The following SNX13 variants were observed in gnomAD, a reference collection of about 807,000 sequenced individuals.
SNX13 encodes sorting nexin 13.
In SNX13, 45 loss-of-function variants were observed where a neutral mutation model predicts 133.6. The ratio of observed to expected loss-of-function variants is 0.34; its 90% CI spans 0.27 to 0.43. SNX13 has a LOEUF of 0.43. Ranked by LOEUF, SNX13 falls within the 20% of genes least tolerant of loss-of-function variation. The pLI is 1.00. For synonymous variants in SNX13, 414 were observed against 373.9 expected, an observed-to-expected ratio of 1.11 and a Z score of -1.24; for missense variants, 1,032 against 1,145.1, an observed-to-expected ratio of 0.90 and a Z score of 1.43.
chr7:17,850,902 A>G lies in SNX13; in HGVS notation c.900T>C (p.Ile300=), dbSNP rs777153217. 1.9e-6 allele frequency: 3 copies of G among 1,612,266 alleles called. No individual in the cohort carries two copies. In the South Asian group the frequency reaches 3.3e-5, roughly 18 times the overall value. The change falls in exon 10 of 26, where the codon ATT becomes ATC. Residue 300 remains isoleucine, a synonymous_variant. Transcript: ENST00000428135. ...FMNIIKLSDN[I]GELEAVRDKA... The stretch of plus-strand genomic sequence containing the variant: ...TATCTCTGACTGCTTCTAGCTCTCC[A>G]ATATTGTCACTCAATTTAATAATGT...
chr7:17,841,511 C>A (rs1789872100), intron 12 of SNX13, among the ~76,000 whole-genome samples: 1 of 148,894 alleles, frequency 6.7e-6, no homozygotes, highest in South Asian at 2.1e-4. Flanking sequence ...GAAGTGATTT[C>A]CAGAGTTACT....
chr7:17,925,029 T>C (rs1374263314), intron 1 of SNX13, among the ~76,000 whole-genome samples: 1 of 152,042 alleles, frequency 6.6e-6, no homozygotes, highest in African/African-American at 2.4e-5. Context: ...CCAACATGGT[T>C]GAAACCCCAT....
chr7:17,797,068 T>C (rs932102054), intron 24 of SNX13, 129 bp from the exon 25 acceptor site: 1 of 694,494 alleles, frequency 1.4e-6, no homozygotes, highest in South Asian at 1.9e-5. Context: ...AATAATAACA[T>C]ATAGCTATAA....
Position 17,798,696 on chromosome 7 carries a change from C to A in SNX13, c.2507G>T (p.Arg836Leu). The change falls in exon 24 of 26, where the codon CGT becomes CTT. Residue 836 changes from arginine (R) to leucine (L), a missense_variant. Coordinates refer to ENST00000428135, the MANE Select transcript of SNX13 (RefSeq NM_015132.5). Reference protein sequence around the residue: ...SPEQVADSVKRFRDAFWPNGI... With the variant: ...SPEQVADSVKLFRDAFWPNGI... Reference sequence around the variant, plus strand: ...ACTGTGTCTTAAGATATACCTGAAACGTTTCACTGAGTCGGCTACTTGTTC... The same window carrying A: ...ACTGTGTCTTAAGATATACCTGAAAAGTTTCACTGAGTCGGCTACTTGTTC... The A allele has an allele frequency of 1.3e-6, 2 of 1,574,870 alleles. No homozygotes were observed. Among genetic ancestry groups the A allele is most frequent in the Non-Finnish European group, 1.7e-6 (2 of 1,160,448 alleles).
intron 20 of SNX13, among the ~76,000 whole-genome samples, chr7:17,808,243 T>C (rs547273759): frequency 7.2e-5 from 11 of 151,916 alleles, no homozygotes; most frequent in Admixed American, 7.2e-4. Context: ...CAATAACCAA[T>C]GTAGAGAAGA....
intron 9 of SNX13, among the ~76,000 whole-genome samples, chr7:17,865,340 T>C (rs1193193790): frequency 1.3e-5 from 2 of 152,190 alleles, no homozygotes; most frequent in East Asian, 1.9e-4. Context: ...CAATAGTGTT[T>C]CTATGTGAAC....
At chr7:17,933,027 C>T (rs1317279623) in intron 1 of SNX13, among the ~76,000 whole-genome samples, 1 of 152,182 alleles carries the variant, frequency 6.6e-6, no homozygotes, top group Non-Finnish European at 1.5e-5. Context: ...ACAAAGTAGG[C>T]ATACTCTTGT....
chr7:17,793,365 A>G lies in SNX13; in HGVS notation c.*680T>C, dbSNP rs1411920733. 1 of 152,152 alleles carries G rather than the reference A, an allele frequency of 6.6e-6. No individual in the cohort carries two copies. Among genetic ancestry groups the G allele is most frequent in the Non-Finnish European group, 1.5e-5 (1 of 67,876 alleles). The allele number at this position is 152,152 out of a possible 1,614,324, so 9.4% of individuals were successfully genotyped here. A position where few individuals can be genotyped will look rare whatever the true frequency, so the allele number is the denominator to read the frequency against. ...CCTAAGAGCAAAACACAGCCCTTAA[A>G]GCACACATAAGAATAAAAATTGTTG... On this transcript the variant is annotated 3_prime_UTR_variant, in exon 26 of 26. Transcript: ENST00000428135.
At chr7:17,845,928 T>A (rs1161366769) in intron 11 of SNX13, among the ~76,000 whole-genome samples, 1 of 152,182 alleles carries the variant, frequency 6.6e-6, no homozygotes, top group African/African-American at 2.4e-5. Context: ...TTCAACTGTT[T>A]CAATATAAAA....
At position 17,940,451 on chromosome 7, in the gene SNX13, C is replaced by G; in HGVS notation, c.-156G>C. ...TTACTCGGCTTCGCTGGCCTCCCCT[C>G]GGCCCGGTCGCTCGCGACGGACGCG... is the stretch of plus-strand genomic sequence containing the variant. On this transcript the variant is annotated 5_prime_UTR_variant, in exon 1 of 26. Transcript: ENST00000428135. 1 of 814,812 alleles carries G rather than the reference C, an allele frequency of 1.2e-6. No individual in the cohort carries two copies. Among genetic ancestry groups the G allele is most frequent in the South Asian group, 1.4e-5 (1 of 69,742 alleles). The allele number at this position is 814,812 out of a possible 1,614,324, so 50.5% of individuals were successfully genotyped here. A position where few individuals can be genotyped will look rare whatever the true frequency, so the allele number is the denominator to read the frequency against.
chr7:17,826,843 T>C (rs1787965963), intron 16 of SNX13, among the ~76,000 whole-genome samples: 1 of 152,064 alleles, frequency 6.6e-6, no homozygotes, highest in Non-Finnish European at 1.5e-5. Flanking sequence ...AACATAACCA[T>C]GTAATTAAAG....
intron 1 of SNX13, among the ~76,000 whole-genome samples, chr7:17,933,075 C>G (rs899657979): frequency 6.6e-6 from 1 of 152,182 alleles, no homozygotes; most frequent in Non-Finnish European, 1.5e-5. Flanking sequence ...CAATCTCCAG[C>G]ACGAGTTATA....
At chr7:17,877,044 T>A (rs4721666) in intron 5 of SNX13, among the ~76,000 whole-genome samples, 3 of 72,988 alleles carry the variant, frequency 4.1e-5, no homozygotes, top group Non-Finnish European at 7.6e-5. Flanking sequence ...TGTTACTTTT[T>A]GAAAAAAAAA....
At chr7:17,906,876 G>A (rs1178987357) in intron 1 of SNX13, among the ~76,000 whole-genome samples, 1 of 151,892 alleles carries the variant, frequency 6.6e-6, no homozygotes, top group African/African-American at 2.4e-5. Context: ...TCTTTAAACT[G>A]ATTCAACAAA....
intron 18 of SNX13, among the ~76,000 whole-genome samples, chr7:17,819,452 C>T (rs532219048): frequency 6.6e-6 from 1 of 152,258 alleles, no homozygotes; most frequent in Admixed American, 6.5e-5. Flanking sequence ...GTCTCAAACT[C>T]CTGACCTCAA....
At chr7:17,940,004 A>G (rs2128058986) in intron 1 of SNX13, among the ~76,000 whole-genome samples, 1 of 152,294 alleles carries the variant, frequency 6.6e-6, no homozygotes, top group Middle Eastern at 3.4e-3. Flanking sequence ...GGGAGCGATG[A>G]GTTAGAAGGG....
rs77548911 is a variant in SNX13, at chr7:17,877,567, G to C, written c.441-1777C>G. Among the ~76,000 whole-genome samples the C allele has an allele frequency of 1.2e-4, 19 of 152,072 alleles. No individual in the cohort carries two copies. In the East Asian group the frequency reaches 3.7e-3, roughly 29 times the overall value. On this transcript the variant is annotated intron_variant, in intron 5 of 25. Transcript: ENST00000428135. ...GAAAGCAGAATATATAATATTTCAA[G>C]TTACATCTGTCCTGTTTCATGCTAC...
At chr7:17,925,575 T>C (rs539452875) in intron 1 of SNX13, among the ~76,000 whole-genome samples, 97 of 152,276 alleles carry the variant, frequency 6.4e-4, no homozygotes, top group African/African-American at 2.2e-3. Flanking sequence ...AAATAAGTAA[T>C]TTAAAAAATA....
intron 11 of SNX13, among the ~76,000 whole-genome samples, chr7:17,845,946 A>T (rs1307424581): frequency 6.6e-6 from 1 of 152,204 alleles, no homozygotes; most frequent in Non-Finnish European, 1.5e-5. Flanking sequence ...AAATAAATAG[A>T]AATCACTATA....
Sources: gnomAD v4.1 joint callset for allele counts (sites outside exome capture counted in the v4.1 genomes callset) on GRCh38, gnomAD v4.1.1 for gene constraint, MANE v1.5 for transcripts, NCBI Gene and HGNC (gene_info 2026-07-23, HGNC 2026-07-21) for gene names.